ALDH4A1: variants seen among roughly 807,000 people sequenced by gnomAD.
ALDH4A1 encodes delta-1-pyrroline-5-carboxylate dehydrogenase, mitochondrial.
Under a neutral mutation model 70.5 loss-of-function variants are expected in ALDH4A1, and 46 were observed. That is an observed-to-expected ratio of 0.65 (90% CI 0.51 to 0.83). ALDH4A1 has a LOEUF of 0.83. ALDH4A1 is among the 40% of genes least tolerant of loss of function. The pLI is 0.00. For synonymous variants in ALDH4A1, 323 were observed against 324.3 expected, an observed-to-expected ratio of 1.00 and a Z score of 0.04; for missense variants, 749 against 766.5, an observed-to-expected ratio of 0.98 and a Z score of 0.27.
At chr1:18,890,616 G>A (rs554860944) in intron 1 of ALDH4A1, 5 of 894,690 alleles carry the variant, frequency 5.6e-6, no homozygotes, top group Non-Finnish European at 6.7e-6. Flanking sequence ...CCACGGTTGT[G>A]TGTCCTTGAG....
At chr1:18,874,220 A>G (rs1218828171) in intron 14 of ALDH4A1, among the ~76,000 whole-genome samples, 3 of 152,206 alleles carry the variant, frequency 2.0e-5, no homozygotes, top group Non-Finnish European at 2.9e-5. Flanking sequence ...TGCTGGAGCC[A>G]AAATTACAAT....
rs759502315 is a variant in ALDH4A1 at position 18,877,190 on chromosome 1, CCA to C, written c.1185+16_1185+17del. ...AGGGCTTGCCCCCACCCAGGAACGC[CCA>C]CTTCCCACCCCGTACCTTGGCATCA... On this transcript the variant is annotated intron_variant, in intron 11 of 14. Coordinates refer to ENST00000375341, the MANE Select transcript of ALDH4A1 (RefSeq NM_003748.4). 5 of 1,606,034 alleles carry C rather than the reference CCA, an allele frequency of 3.1e-6. No homozygotes were observed. The East Asian group carries it at 1.1e-4, about 36-fold the overall frequency.
At chr1:18,883,796 A>C (rs1935086453) in intron 5 of ALDH4A1, among the ~76,000 whole-genome samples, 1 of 152,232 alleles carries the variant, frequency 6.6e-6, no homozygotes, top group East Asian at 1.9e-4. Flanking sequence ...CCTTCCAGAC[A>C]GAAGGGCAGA....
rs1200899751 is a variant in ALDH4A1, at chr1:18,899,996, T to C, written c.62+2466A>G. 5.3e-5 allele frequency among the ~76,000 whole-genome samples: 8 copies of C among 152,212 alleles called. No homozygotes were observed. The South Asian group carries it at 1.5e-3, about 28-fold the overall frequency. On this transcript the variant is annotated intron_variant, in intron 1 of 14. Coordinates refer to ENST00000375341, the MANE Select transcript of ALDH4A1 (RefSeq NM_003748.4). ...AAGTATGGGCAGATGAGCTTGTTTC[T>C]ATGAGGTTTTTTTTAAAAGCATATC...
Position 18,902,527 on chromosome 1 carries a change from G to A in ALDH4A1, c.-4C>T, listed in dbSNP as rs9426797. ...GCGCGGGCGCCGGCAGCAGCATCTC[G>A]GGTTAGAAGCGGGGCTGTTCGCTGG... On this transcript the variant is annotated 5_prime_UTR_variant, in exon 1 of 15. Transcript: ENST00000375341. 4.0e-6 allele frequency: 6 copies of A among 1,485,118 alleles called. No individual in the cohort carries two copies. Among genetic ancestry groups the A allele is most frequent in the East Asian group, 5.4e-5 (2 of 36,736 alleles). 92.0% of individuals were successfully genotyped at this position (1,485,118 alleles called of 1,614,324 possible).
intron 1 of ALDH4A1, among the ~76,000 whole-genome samples, chr1:18,900,690 T>C (rs1460771897): frequency 6.6e-6 from 1 of 152,230 alleles, no homozygotes; most frequent in Admixed American, 6.5e-5. Flanking sequence ...GGCCAGCTGC[T>C]GTATCAAAGG....
chr1:18,885,444 C>CCCCCCCCCCCCCCCCCCCCCCCCCCCCCA, intron 5 of ALDH4A1, 29 bp downstream of exon 5: 2 of 902,252 alleles, frequency 2.2e-6, no homozygotes, highest in Non-Finnish European at 3.5e-6. Context: ...CCACCCCGCC[C>CCCCCCCCCCCCCCCCCCCCCCCCCCCCCA]CACCCACCCG....
rs759485232 is a variant in ALDH4A1 at position 18,877,616 on chromosome 1, C to T, written c.941-4G>A. On this transcript the variant is annotated splice_polypyrimidine_tract_variant and splice_region_variant and intron_variant, in intron 9 of 14. Transcript: ENST00000375341. ...TGGAAGTTCTTTCCGCCGCACTCTA[C>T]AGGGGTCGGGGGTGGGGAAATGACC... The T allele has an allele frequency of 5.6e-6, 9 of 1,604,332 alleles. No homozygotes were observed. The African/African-American group carries it at 9.4e-5, about 17-fold the overall frequency.
At chr1:18,879,532 G>A (rs962201218) in intron 8 of ALDH4A1, among the ~76,000 whole-genome samples, 159 bp from the exon 9 acceptor site, 8 of 152,182 alleles carry the variant, frequency 5.3e-5, no homozygotes, top group Non-Finnish European at 2.9e-5. Flanking sequence ...ACTACGGGGA[G>A]CGGGCAACGG....
chr1:18,882,721 G>A, intron 7 of ALDH4A1: 2 of 563,320 alleles, frequency 3.6e-6, no homozygotes, highest in Non-Finnish European at 7.1e-6. Flanking sequence ...CTTGACAGCA[G>A]CAGGCACGTG....
At chr1:18,881,620 GCCCC>G in intron 8 of ALDH4A1, 76 bp downstream of exon 8, 1 of 1,518,338 alleles carries the variant, frequency 6.6e-7, no homozygotes. Flanking sequence ...TGGGTTCACA[GCCCC>G]ATCCCCAGGC....
At chr1:18,897,321 T>C (rs908096295) in intron 1 of ALDH4A1, among the ~76,000 whole-genome samples, 11 of 152,082 alleles carry the variant, frequency 7.2e-5, no homozygotes, top group African/African-American at 2.4e-4. Context: ...AGAGGGCGGA[T>C]CACTTGAGGT....
At position 18,876,298 on chromosome 1, in the gene ALDH4A1, C is replaced by A. The variant is rs748883569; in HGVS notation, c.1338+17G>T. The A allele has an allele frequency of 6.2e-7, 1 of 1,613,188 alleles. No individual in the cohort carries two copies. The highest frequency in any genetic ancestry group is 2.2e-5 in the East Asian group (1 of 44,860). ...GGATTGTCCTCCTCTGGACCCCAGGCTGCCCACCCCAGTCACCTCCTTCAT... is the reference window on the plus strand; with the variant it reads ...GGATTGTCCTCCTCTGGACCCCAGGATGCCCACCCCAGTCACCTCCTTCAT... On this transcript the variant is annotated intron_variant, in intron 12 of 14. Transcript: ENST00000375341.
intron 7 of ALDH4A1, chr1:18,882,668 C>A (rs746090442): frequency 1.8e-6 from 1 of 544,406 alleles, no homozygotes; most frequent in African/African-American, 1.9e-5. Context: ...AACTCCCTCT[C>A]GAAGCTGCTG....
intron 13 of ALDH4A1, 67 bp from the exon 14 acceptor site, chr1:18,874,648 A>G: frequency 6.7e-7 from 1 of 1,488,544 alleles, no homozygotes; most frequent in Non-Finnish European, 9.4e-7. Context: ...CTCCAGCCTC[A>G]ACACCCCTGC....
chr1:18,889,379 C>G lies in ALDH4A1; in HGVS notation c.232G>C (p.Val78Leu). The G allele has an allele frequency of 6.4e-7, 1 of 1,552,442 alleles. No individual in the cohort carries two copies. The change falls in exon 3 of 15, where the codon GTG (valine) becomes CTG (leucine). Residue 78 changes from valine to leucine, a missense_variant. Physicochemically the swap from Val to Leu is conservative, Grantham distance 32. Transcript: ENST00000375341. Reference protein sequence around the residue: ...VGDEEVWTSDVQYQVSPFNHG... With the variant: ...VGDEEVWTSDLQYQVSPFNHG... ...GGACATACCGACACTTGGTACTGCA[C>G]GTCCGACGTCCACACCTCCTCATCC...
chr1:18,893,871 C>T lies in ALDH4A1; in HGVS notation c.63-3766G>A, dbSNP rs190568492. On this transcript the variant is annotated intron_variant, in intron 1 of 14. Coordinates refer to ENST00000375341, the MANE Select transcript of ALDH4A1 (RefSeq NM_003748.4). ...TAGAAACTGCCTCTTTCCTCCGCAC[C>T]TTAAAATCCCACTTGTTACTGCAGC... is the stretch of plus-strand genomic sequence containing the variant. 2.4e-3 allele frequency among the ~76,000 whole-genome samples: 366 copies of T among 152,298 alleles called. 1 individual carries two copies. The highest frequency in any genetic ancestry group is 4.2e-3 in the Non-Finnish European group (284 of 68,028).
At chr1:18,883,998 GA>G (rs1447599189) in intron 5 of ALDH4A1, among the ~76,000 whole-genome samples, 5 of 152,212 alleles carry the variant, frequency 3.3e-5, no homozygotes, top group African/African-American at 1.2e-4. Flanking sequence ...GCAGGGAAAA[GA>G]ACTGTGGACA....
Position 18,872,618 on chromosome 1 carries a change from T to A in ALDH4A1, c.*227A>T, listed in dbSNP as rs1934486884. On this transcript the variant is annotated 3_prime_UTR_variant, in exon 15 of 15. Transcript: ENST00000375341. ...AGGCACCAGGGTCATACCTCCCACA[T>A]GGCCGATGGGATAAGGGGTAGTGGC... The A allele has an allele frequency of 2.2e-6, 1 of 463,270 alleles. No homozygotes were observed. The allele number at this position is 463,270 out of a possible 1,614,324, so 28.7% of individuals were successfully genotyped here. A position where few individuals can be genotyped will look rare whatever the true frequency, so the allele number is the denominator to read the frequency against.
Sources: gnomAD v4.1 joint callset for allele counts (sites outside exome capture counted in the v4.1 genomes callset) on GRCh38, gnomAD v4.1.1 for gene constraint, MANE v1.5 for transcripts, NCBI Gene and HGNC (gene_info 2026-07-23, HGNC 2026-07-21) for gene names.